The following CHCHD6 variants were observed in gnomAD, a reference collection of about 807,000 sequenced individuals.
The protein encoded by CHCHD6 is coiled-coil-helix-coiled-coil-helix domain containing 6.
In CHCHD6, 28 loss-of-function variants were observed where a neutral mutation model predicts 32.3. That is an observed-to-expected ratio of 0.87 (90% CI 0.64 to 1.19). CHCHD6 has a LOEUF of 1.19. CHCHD6 is among the 50% of genes most tolerant of loss of function. The pLI, the probability that CHCHD6 is intolerant of heterozygous loss-of-function variation, is 0.00. For missense variants in CHCHD6, 333 were observed against 307.0 expected (o/e 1.08, Z -0.63); for synonymous variants, 122 against 117.5 (o/e 1.04, Z -0.25).
At chr3:126,905,537 T>G (rs1472116838) in intron 5 of CHCHD6, among the ~76,000 whole-genome samples, 1 of 86,638 alleles carries the variant, frequency 1.2e-5, no homozygotes, top group Non-Finnish European at 2.3e-5. Context: ...ACAGGGGGTG[T>G]CTTGGATGTC....
chr3:126,831,202 T>A (rs1168558003), intron 4 of CHCHD6, among the ~76,000 whole-genome samples: 1 of 152,098 alleles, frequency 6.6e-6, no homozygotes, highest in Non-Finnish European at 1.5e-5. Flanking sequence ...TTTTTTTGTA[T>A]TTTTAGTAGA....
chr3:126,941,780 CATG>C (rs1576630585), intron 6 of CHCHD6, among the ~76,000 whole-genome samples: 1 of 152,178 alleles, frequency 6.6e-6, no homozygotes, highest in African/African-American at 2.4e-5. Flanking sequence ...CTTTTTCTGA[CATG>C]ATAACTCCTT....
intron 5 of CHCHD6, among the ~76,000 whole-genome samples, chr3:126,887,238 T>C (rs1300184638): frequency 6.6e-6 from 1 of 151,836 alleles, no homozygotes; most frequent in Non-Finnish European, 1.5e-5. Context: ...AGCTACTTAC[T>C]CTTGCTGAGC....
chr3:126,777,698 G>A (rs1286203540), intron 4 of CHCHD6, among the ~76,000 whole-genome samples: 2 of 152,176 alleles, frequency 1.3e-5, no homozygotes, highest in Admixed American at 1.3e-4. Context: ...CAAGGCATTT[G>A]CTCATTGAGA....
At chr3:126,893,740 C>T (rs1426040704) in intron 5 of CHCHD6, among the ~76,000 whole-genome samples, 1 of 152,212 alleles carries the variant, frequency 6.6e-6, no homozygotes, top group Non-Finnish European at 1.5e-5. Flanking sequence ...GGGCCAGACC[C>T]CTTCAGCAGA....
At chr3:126,865,600 C>T (rs1942264016) in intron 5 of CHCHD6, 1 of 985,288 alleles carries the variant, frequency 1.0e-6, no homozygotes, top group South Asian at 4.7e-5. Context: ...CACCTCCACA[C>T]CTTCACTGCT....
intron 6 of CHCHD6, among the ~76,000 whole-genome samples, chr3:126,956,691 T>C (rs1023207303): frequency 2.0e-5 from 3 of 151,658 alleles, no homozygotes; most frequent in African/African-American, 7.3e-5. Context: ...TGACTGACTT[T>C]AGTTTATCTA....
At chr3:126,789,654 C>CT (rs1938419409) in intron 4 of CHCHD6, among the ~76,000 whole-genome samples, 3 of 151,996 alleles carry the variant, frequency 2.0e-5, no homozygotes, top group Admixed American at 6.6e-5. Context: ...TAATCCCTGC[C>CT]TTTTTTGTTT....
At chr3:126,847,867 AC>A (rs1256279531) in intron 4 of CHCHD6, among the ~76,000 whole-genome samples, 1 of 148,368 alleles carries the variant, frequency 6.7e-6, no homozygotes, top group African/African-American at 2.5e-5. Flanking sequence ...CCCCTCTCTT[AC>A]CCCCTTGTCC....
intron 4 of CHCHD6, among the ~76,000 whole-genome samples, chr3:126,833,491 G>C (rs543307132): frequency 8.7e-4 from 132 of 152,338 alleles, no homozygotes; most frequent in African/African-American, 2.3e-3. Flanking sequence ...ACAGTGCTTT[G>C]CACGCGATAT....
intron 6 of CHCHD6, among the ~76,000 whole-genome samples, chr3:126,917,711 G>A: frequency 6.6e-6 from 1 of 152,220 alleles, no homozygotes; most frequent in Non-Finnish European, 1.5e-5. Context: ...ATATTAGGAG[G>A]TGGGGCCTTT....
intron 4 of CHCHD6, among the ~76,000 whole-genome samples, chr3:126,738,108 G>C (rs1936128751): frequency 6.6e-6 from 1 of 152,120 alleles, no homozygotes; most frequent in Admixed American, 6.6e-5. Flanking sequence ...TGTTCTCCTG[G>C]TGGCAGAGGA....
intron 4 of CHCHD6, among the ~76,000 whole-genome samples, chr3:126,770,862 C>T (rs1937530395): frequency 6.6e-6 from 1 of 152,134 alleles, no homozygotes; most frequent in African/African-American, 2.4e-5. Context: ...GTGGAGAAGT[C>T]CCTCCTCCTC....
At chr3:126,933,466 A>T (rs371118449) in intron 6 of CHCHD6, among the ~76,000 whole-genome samples, 27 of 152,240 alleles carry the variant, frequency 1.8e-4, no homozygotes, top group African/African-American at 6.5e-4. Context: ...ATGGTCCTAC[A>T]GGCTGTACAG....
intron 4 of CHCHD6, among the ~76,000 whole-genome samples, chr3:126,775,313 A>T (rs1024320286): frequency 7.2e-5 from 11 of 152,280 alleles, no homozygotes; most frequent in African/African-American, 1.4e-4. Context: ...TGTCAGTGGT[A>T]TTAATTTTTG....
intron 5 of CHCHD6, among the ~76,000 whole-genome samples, chr3:126,900,336 G>A (rs1426417184): frequency 6.6e-6 from 1 of 152,178 alleles, no homozygotes; most frequent in Non-Finnish European, 1.5e-5. Context: ...GAGAATCAAA[G>A]GAGATACTGT....
At chr3:126,839,708 C>T (rs1190045389) in intron 4 of CHCHD6, among the ~76,000 whole-genome samples, 4 of 152,158 alleles carry the variant, frequency 2.6e-5, no homozygotes, top group African/African-American at 9.7e-5. Context: ...TCACTGGTCT[C>T]CCCACCTCAG....
At chr3:126,785,428 T>C (rs987958982) in intron 4 of CHCHD6, among the ~76,000 whole-genome samples, 3 of 152,216 alleles carry the variant, frequency 2.0e-5, no homozygotes, top group African/African-American at 7.2e-5. Flanking sequence ...TTTTATCTTC[T>C]AGCTCTCAGA....
At chr3:126,937,914 A>T (rs1017604324) in intron 6 of CHCHD6, among the ~76,000 whole-genome samples, 4 of 152,142 alleles carry the variant, frequency 2.6e-5, no homozygotes, top group African/African-American at 9.7e-5. Flanking sequence ...GGCCCAGGTG[A>T]GGATCCCAAA....
Sources: gnomAD v4.1 joint callset for allele counts (sites outside exome capture counted in the v4.1 genomes callset) on GRCh38, gnomAD v4.1.1 for gene constraint, MANE v1.5 for transcripts, NCBI Gene and HGNC (gene_info 2026-07-23, HGNC 2026-07-21) for gene names.